MEGF11: variants seen among roughly 807,000 people sequenced by gnomAD.
MEGF11 encodes multiple epidermal growth factor-like domains protein 11.
Under a neutral mutation model 146.6 loss-of-function variants are expected in MEGF11, and 126 were observed. The ratio of observed to expected loss-of-function variants is 0.86; its 90% CI spans 0.74 to 1.00. MEGF11 has a LOEUF of 1.00. Among genes scored for constraint, MEGF11 ranks in the 50% least tolerant of loss-of-function variants. The probability of loss-of-function intolerance (pLI) is 0.00; values close to 1 mark genes in which losing one functional copy is unlikely to be tolerated. For missense variants in MEGF11, 1,509 were observed against 1,521.2 expected (o/e 0.99, Z 0.13); for synonymous variants, 532 against 583.4 (o/e 0.91, Z 1.27).
intron 10 of MEGF11, among the ~76,000 whole-genome samples, chr15:65,931,407 A>G (rs1259924820): frequency 6.6e-6 from 1 of 152,188 alleles, no homozygotes; most frequent in Non-Finnish European, 1.5e-5. Flanking sequence ...GCGAGCAGGA[A>G]ATAGACCCTC....
Position 65,968,814 on chromosome 15 carries a change from G to C in MEGF11, c.899+1739C>G, listed in dbSNP as rs371129301. On this transcript the variant is annotated intron_variant, in intron 8 of 25. Transcript: ENST00000395614. ...TTACAAAATGAGCTGCAAAGCCCTC[G>C]TTACATTTCGTGTTTAATTTGCACT... Among the ~76,000 whole-genome samples, 8 of 152,228 alleles carry C rather than the reference G, an allele frequency of 5.3e-5. No homozygotes were observed. In the South Asian group the frequency reaches 1.0e-3, roughly 20 times the overall value.
chr15:66,106,867 A>G (rs2087106899), intron 4 of MEGF11, among the ~76,000 whole-genome samples: 2 of 152,174 alleles, frequency 1.3e-5, no homozygotes, highest in Non-Finnish European at 2.9e-5. Flanking sequence ...AAAGACACTG[A>G]ATGGTAAAAT....
chr15:66,149,676 T>C (rs2089493905), intron 1 of MEGF11, among the ~76,000 whole-genome samples: 2 of 152,176 alleles, frequency 1.3e-5, no homozygotes, highest in South Asian at 4.1e-4. Flanking sequence ...TGTCATGCAG[T>C]TACAAAGGTT....
intron 7 of MEGF11, among the ~76,000 whole-genome samples, chr15:65,973,267 A>G (rs920003672): frequency 2.6e-5 from 4 of 152,176 alleles, no homozygotes; most frequent in African/African-American, 9.7e-5. Context: ...CTGGAGAGCA[A>G]AGAGTTAAAG....
intron 3 of MEGF11, among the ~76,000 whole-genome samples, chr15:66,122,997 A>C (rs1448236613): frequency 4.6e-5 from 7 of 152,038 alleles, no homozygotes; most frequent in Non-Finnish European, 1.0e-4. Flanking sequence ...GTTAGCCAGG[A>C]TGATCTCGTT....
At chr15:65,979,586 A>G (rs904072879) in intron 7 of MEGF11, among the ~76,000 whole-genome samples, 1 of 152,182 alleles carries the variant, frequency 6.6e-6, no homozygotes, top group African/African-American at 2.4e-5. Context: ...GCAGGGACGC[A>G]GCCCAGGAAG....
At chr15:66,234,504 A>C (rs1178802168) in intron 1 of MEGF11, among the ~76,000 whole-genome samples, 3 of 152,206 alleles carry the variant, frequency 2.0e-5, no homozygotes, top group African/African-American at 7.2e-5. Flanking sequence ...GTCAAACTAG[A>C]CAGACCCAGG....
At chr15:66,154,167 TG>T (rs1243690793) in intron 1 of MEGF11, among the ~76,000 whole-genome samples, 2 of 152,198 alleles carry the variant, frequency 1.3e-5, no homozygotes, top group Non-Finnish European at 2.9e-5. Flanking sequence ...TGCCAGCAGG[TG>T]TGGCTGGAGT....
intron 10 of MEGF11, among the ~76,000 whole-genome samples, chr15:65,943,546 A>G (rs982330866): frequency 2.0e-5 from 3 of 151,980 alleles, no homozygotes; most frequent in East Asian, 3.9e-4. Flanking sequence ...GAGGTACTAG[A>G]TGTACATGTG....
At chr15:66,006,329 C>A (rs1055492869) in intron 5 of MEGF11, among the ~76,000 whole-genome samples, 6 of 152,204 alleles carry the variant, frequency 3.9e-5, no homozygotes, top group Non-Finnish European at 8.8e-5. Context: ...CAGGCTTCTC[C>A]CTGAGTTCCC....
intron 6 of MEGF11, among the ~76,000 whole-genome samples, chr15:65,981,137 C>A (rs79038931): frequency 0.012 from 1,830 of 149,048 alleles, 52 homozygotes; most frequent in African/African-American, 0.042. Context: ...TCTTAGTGTA[C>A]AGAAGAGTAT....
At chr15:66,043,722 G>T (rs2084084402) in intron 5 of MEGF11, among the ~76,000 whole-genome samples, 1 of 152,198 alleles carries the variant, frequency 6.6e-6, no homozygotes, top group African/African-American at 2.4e-5. Flanking sequence ...CCCCACATGG[G>T]ACTCTGTCAT....
chr15:66,088,606 G>C (rs749420216), intron 5 of MEGF11, among the ~76,000 whole-genome samples: 3 of 151,654 alleles, frequency 2.0e-5, no homozygotes, highest in Non-Finnish European at 4.4e-5. Flanking sequence ...AGTGAACCGA[G>C]ATTGCACCAC....
intron 5 of MEGF11, among the ~76,000 whole-genome samples, chr15:66,076,526 G>A (rs974581770): frequency 6.6e-6 from 1 of 152,206 alleles, no homozygotes. Flanking sequence ...AGAGTCTCCA[G>A]TTCTGCCACT....
intron 7 of MEGF11, 152 bp from the exon 8 acceptor site, chr15:65,970,841 G>C (rs565933703): frequency 2.0e-5 from 15 of 753,268 alleles, no homozygotes; most frequent in East Asian, 1.1e-4. Context: ...CCTCCTCTTA[G>C]AGATGGGAGA....
intron 2 of MEGF11, 117 bp from the exon 3 acceptor site, chr15:66,124,117 G>A (rs1046831200): frequency 2.6e-6 from 2 of 773,360 alleles, no homozygotes; most frequent in Non-Finnish European, 4.4e-6. Context: ...AGTGTCCGGA[G>A]GCTCTGACCT....
chr15:66,218,928 A>C (rs2091655802), intron 1 of MEGF11, among the ~76,000 whole-genome samples: 1 of 141,382 alleles, frequency 7.1e-6, no homozygotes, highest in Non-Finnish European at 1.5e-5. Flanking sequence ...GTTGGAAGAG[A>C]AAAGATAGCC....
intron 23 of MEGF11, among the ~76,000 whole-genome samples, chr15:65,907,773 G>A (rs919339759): frequency 1.3e-5 from 2 of 152,250 alleles, no homozygotes; most frequent in African/African-American, 4.8e-5. Context: ...ACAGGGAACA[G>A]GCCCAAAGAG....
chr15:66,215,677 T>C (rs1051631443), intron 1 of MEGF11, among the ~76,000 whole-genome samples: 23 of 152,128 alleles, frequency 1.5e-4, no homozygotes, highest in African/African-American at 5.3e-4. Flanking sequence ...AACAGGAGGG[T>C]CAACAGAGTT....
Sources: gnomAD v4.1 joint callset for allele counts (sites outside exome capture counted in the v4.1 genomes callset) on GRCh38, gnomAD v4.1.1 for gene constraint, MANE v1.5 for transcripts, NCBI Gene and HGNC (gene_info 2026-07-23, HGNC 2026-07-21) for gene names.